SNW1: variants seen among roughly 807,000 people sequenced by gnomAD.
The protein encoded by SNW1 is SNW domain containing 1, also known as SNW domain-containing protein 1.
SNW1 carries 9 observed loss-of-function variants against 75.6 expected under a neutral mutation model. The observed-to-expected ratio is 0.12, with a 90% CI of 0.07 to 0.21. The LOEUF (loss-of-function observed/expected upper bound fraction) is 0.21, where lower values mean the gene tolerates loss of function less well. Among genes scored for constraint, SNW1 ranks in the 10% least tolerant of loss-of-function variants. The pLI, the probability that SNW1 is intolerant of heterozygous loss-of-function variation, is 1.00. For synonymous variants in SNW1, 200 were observed against 219.1 expected (o/e 0.91, Z 0.77); for missense variants, 409 against 670.9 (o/e 0.61, Z 4.31).
chr14:77,717,630 A>T lies in SNW1; in HGVS notation c.*458T>A. 6.8e-7 allele frequency: 1 copy of T among 1,460,894 alleles called. No homozygotes were observed. The highest frequency in any genetic ancestry group is 9.5e-7 in the Non-Finnish European group (1 of 1,049,752). The allele number at this position is 1,460,894 out of a possible 1,614,324, so 90.5% of individuals were successfully genotyped here. A position where few individuals can be genotyped will look rare whatever the true frequency, so the allele number is the denominator to read the frequency against. ...CTAAATGTTTTTATTTGAAACAAAT[A>T]GTTGCACCAAGCAAGAGGTTACTTT... On this transcript the variant is annotated 3_prime_UTR_variant, in exon 14 of 14. Transcript: ENST00000261531.
At chr14:77,742,287 C>T (rs772870470) in intron 3 of SNW1, among the ~76,000 whole-genome samples, 13 of 152,080 alleles carry the variant, frequency 8.5e-5, no homozygotes, top group South Asian at 4.1e-4. Flanking sequence ...CCACCCGCCT[C>T]GGCCTCCCAA....
chr14:77,721,919 T>G (rs2080544256), intron 11 of SNW1, among the ~76,000 whole-genome samples: 2 of 152,062 alleles, frequency 1.3e-5, no homozygotes, highest in South Asian at 2.1e-4. Flanking sequence ...AGCTAATTTT[T>G]GCATTTTTAG....
chr14:77,749,322 G>T (rs568359515), intron 3 of SNW1, among the ~76,000 whole-genome samples: 20 of 152,316 alleles, frequency 1.3e-4, no homozygotes, highest in African/African-American at 4.6e-4. Flanking sequence ...AACTGGTTTA[G>T]GTGAGGTCAT....
chr14:77,736,875 T>C, intron 6 of SNW1, 96 bp downstream of exon 6: 1 of 845,216 alleles, frequency 1.2e-6, no homozygotes, highest in South Asian at 1.4e-5. Flanking sequence ...TCATACTGTA[T>C]GTACTTGTTT....
intron 2 of SNW1, 124 bp downstream of exon 2, chr14:77,754,843 T>G: frequency 2.3e-6 from 2 of 863,354 alleles, no homozygotes; most frequent in Non-Finnish European, 3.4e-6. Flanking sequence ...TGAGAGCACA[T>G]AACCAGAATT....
chr14:77,717,819 GT>G lies in SNW1; in HGVS notation c.*268del, dbSNP rs2080500913. ...CCCAAACTACTAGTGTCACATAAAA[GT>G]AAGTGGTCTTGACTTTGTATGTGGG... On this transcript the variant is annotated 3_prime_UTR_variant, in exon 14 of 14. Transcript: ENST00000261531. 1 of 573,048 alleles carries G rather than the reference GT, an allele frequency of 1.7e-6. No individual in the cohort carries two copies. Among genetic ancestry groups the G allele is most frequent in the African/African-American group, 1.9e-5 (1 of 53,522 alleles). 35.5% of individuals were successfully genotyped at this position (573,048 alleles called of 1,614,324 possible). A position where few individuals can be genotyped will look rare whatever the true frequency, so the allele number is the denominator to read the frequency against.
chr14:77,718,019 T>C lies in SNW1; in HGVS notation c.*69A>G. ...GTTTTTATCCTGACCATTTACAAAG[T>C]GTTCCCCCATATGACTTGCATCATT... On this transcript the variant is annotated 3_prime_UTR_variant, in exon 14 of 14. Coordinates refer to ENST00000261531, the MANE Select transcript of SNW1 (RefSeq NM_012245.3). 1.4e-6 allele frequency: 2 copies of C among 1,399,002 alleles called. No homozygotes were observed. The highest frequency in any genetic ancestry group is 1.9e-6 in the Non-Finnish European group (2 of 1,035,810). The allele number at this position is 1,399,002 out of a possible 1,614,324, so 86.7% of individuals were successfully genotyped here.
At chr14:77,719,232 T>G (rs7145979) in intron 12 of SNW1, among the ~76,000 whole-genome samples, 51,339 of 152,134 alleles carry the variant, frequency 0.34, 9,887 homozygotes, top group East Asian at 0.5. Context: ...TTTAAATGTT[T>G]TAAGCTTAAG....
intron 1 of SNW1, chr14:77,760,893 C>T: frequency 1.0e-6 from 1 of 992,976 alleles, no homozygotes; most frequent in Non-Finnish European, 1.6e-6. Context: ...CAGCTTTCGG[C>T]CTCGGTGAGC....
chr14:77,736,056 G>A lies in SNW1; in HGVS notation c.639-50C>T. 4 of 1,351,612 alleles carry A rather than the reference G, an allele frequency of 3.0e-6. No homozygotes were observed. In the South Asian group the frequency reaches 4.9e-5, roughly 17 times the overall value. The allele number at this position is 1,351,612 out of a possible 1,614,324, so 83.7% of individuals were successfully genotyped here. ...GAGTGATATAGTTTCCTCCCTTTTA[G>A]TCATCATATCAAGTCTCTCCTCCTT... On this transcript the variant is annotated intron_variant, in intron 6 of 13. Coordinates refer to ENST00000261531, the MANE Select transcript of SNW1 (RefSeq NM_012245.3).
intron 12 of SNW1, among the ~76,000 whole-genome samples, chr14:77,718,773 G>A (rs1253219263): frequency 6.6e-6 from 1 of 150,474 alleles, no homozygotes; most frequent in Non-Finnish European, 1.5e-5. Context: ...GTGCAGTGGT[G>A]TGATCTTGGC....
intron 8 of SNW1, among the ~76,000 whole-genome samples, chr14:77,733,076 G>A (rs2080639948): frequency 6.6e-6 from 1 of 152,198 alleles, no homozygotes; most frequent in African/African-American, 2.4e-5. Flanking sequence ...AGTGCTTTAT[G>A]TAGAAGATCA....
chr14:77,730,859 C>T (rs919320617), intron 10 of SNW1, 129 bp downstream of exon 10: 8 of 923,306 alleles, frequency 8.7e-6, no homozygotes, highest in Admixed American at 2.5e-5. Flanking sequence ...TCCATTTCTA[C>T]ACTATATCTG....
chr14:77,748,996 G>A (rs1362318591), intron 3 of SNW1, among the ~76,000 whole-genome samples: 1 of 152,174 alleles, frequency 6.6e-6, no homozygotes, highest in Non-Finnish European at 1.5e-5. Flanking sequence ...CTGAGTTACA[G>A]AAATAGCAGG....
intron 8 of SNW1, chr14:77,733,941 T>G (rs1475904743): frequency 2.2e-6 from 1 of 446,812 alleles, no homozygotes; most frequent in Non-Finnish European, 4.5e-6. Context: ...TTTTAGTCCA[T>G]GGTCTCATAA....
intron 2 of SNW1, among the ~76,000 whole-genome samples, chr14:77,754,047 T>C (rs2080826889): frequency 6.6e-6 from 1 of 151,964 alleles, no homozygotes. Context: ...TTTATTTTTA[T>C]TTTTTATTTT....
intron 3 of SNW1, among the ~76,000 whole-genome samples, chr14:77,749,253 A>G (rs552286639): frequency 1.3e-5 from 2 of 152,202 alleles, no homozygotes. Context: ...AAAAATATAT[A>G]AAGAGAATGT....
In SNW1 at chr14:77,738,946, A is replaced by G; in HGVS notation, c.426+20T>C. 2 of 1,610,248 alleles carry G rather than the reference A, an allele frequency of 1.2e-6. No individual in the cohort carries two copies. Among genetic ancestry groups the G allele is most frequent in the Non-Finnish European group, 1.7e-6 (2 of 1,176,446 alleles). ...TAATCAGGATGTAAATAGTCATCGA[A>G]TATATCAATTCCCAGTTACCTCTTT... On this transcript the variant is annotated intron_variant, in intron 4 of 13. Coordinates refer to ENST00000261531, the MANE Select transcript of SNW1 (RefSeq NM_012245.3).
chr14:77,732,584 T>C lies in SNW1; in HGVS notation c.792A>G (p.Leu264=). 6.2e-7 allele frequency: 1 copy of C among 1,605,486 alleles called. No homozygotes were observed. Residue 264 remains leucine (L), a synonymous_variant, in exon 9 of 14, where the codon TTA becomes TTG. Transcript: ENST00000261531. ...TTCCATCAGCAGCCAGACGTTTGTC[T>C]AATGGAATTGTATAACCCTAGAGTG... is the stretch of plus-strand genomic sequence containing the variant. ...WKNAKGYTIP[L]DKRLAADGRG...
Sources: allele counts gnomAD v4.1 joint callset (sites outside exome capture counted in the v4.1 genomes callset), GRCh38; gene constraint gnomAD v4.1.1; transcripts MANE v1.5; gene names NCBI Gene and HGNC (gene_info 2026-07-23, HGNC 2026-07-21).